GULP1: variants seen among roughly 807,000 people sequenced by gnomAD.
GULP1 encodes the protein PTB domain-containing engulfment adapter protein 1.
A neutral mutation model predicts 40.9 loss-of-function variants in GULP1; 19 were observed. That is an observed-to-expected ratio of 0.46 (90% CI 0.32 to 0.68). The LOEUF (loss-of-function observed/expected upper bound fraction) is 0.68, where lower values mean the gene tolerates loss of function less well. Ranked by LOEUF, GULP1 falls within the 30% of genes least tolerant of loss-of-function variation. The pLI, the probability that GULP1 is intolerant of heterozygous loss-of-function variation, is 0.03. For missense variants in GULP1, 312 were observed against 362.2 expected (o/e 0.86, Z 1.12); for synonymous variants, 119 against 117.6 (o/e 1.01, Z -0.08).
At chr2:188,473,103 T>C (rs1334773170) in intron 2 of GULP1, among the ~76,000 whole-genome samples, 1 of 152,182 alleles carries the variant, frequency 6.6e-6, no homozygotes, top group Admixed American at 6.6e-5. Context: ...TGCAGAGAGT[T>C]GACCTCTTCT....
chr2:188,372,929 A>G (rs2047794117), intron 1 of GULP1, among the ~76,000 whole-genome samples: 1 of 151,990 alleles, frequency 6.6e-6, no homozygotes, highest in Non-Finnish European at 1.5e-5. Context: ...GGAGAGAAAA[A>G]ATTCCCTTCT....
chr2:188,368,905 G>T (rs2047168115), intron 1 of GULP1, among the ~76,000 whole-genome samples: 1 of 122,080 alleles, frequency 8.2e-6, no homozygotes, highest in Non-Finnish European at 1.7e-5. Flanking sequence ...TGTATTAATA[G>T]ATAGAATATA....
At chr2:188,462,579 T>G (rs1458567860) in intron 2 of GULP1, among the ~76,000 whole-genome samples, 1 of 152,178 alleles carries the variant, frequency 6.6e-6, no homozygotes, top group African/African-American at 2.4e-5. Context: ...AATATTTGCT[T>G]CATATATCTG....
intron 2 of GULP1, among the ~76,000 whole-genome samples, chr2:188,419,957 T>G (rs1227480956): frequency 6.6e-6 from 1 of 152,182 alleles, no homozygotes; most frequent in Non-Finnish European, 1.5e-5. Context: ...TTGAAGAGAG[T>G]ATCCTTTCTT....
chr2:188,461,920 T>C (rs1391276735), intron 2 of GULP1, among the ~76,000 whole-genome samples: 3 of 152,144 alleles, frequency 2.0e-5, no homozygotes, highest in African/African-American at 7.2e-5. Context: ...TTCTTCATTT[T>C]AATTTTATTT....
chr2:188,554,950 A>G (rs1198284325), intron 7 of GULP1, among the ~76,000 whole-genome samples: 1 of 152,058 alleles, frequency 6.6e-6, no homozygotes. Context: ...ATTTTATCTA[A>G]GTACAGCTAT....
chr2:188,371,034 A>G (rs185074475), intron 1 of GULP1, among the ~76,000 whole-genome samples: 32 of 152,246 alleles, frequency 2.1e-4, no homozygotes, highest in African/African-American at 7.5e-4. Context: ...AAATGATGTA[A>G]TTTTTATCTA....
intron 1 of GULP1, among the ~76,000 whole-genome samples, chr2:188,322,378 C>A (rs1394865397): frequency 6.6e-6 from 1 of 151,804 alleles, no homozygotes; most frequent in African/African-American, 2.4e-5. Context: ...AATATAACCT[C>A]GTTAGTTTGT....
At chr2:188,495,496 C>G (rs1234677493) in intron 4 of GULP1, among the ~76,000 whole-genome samples, 1 of 151,994 alleles carries the variant, frequency 6.6e-6, no homozygotes, top group Non-Finnish European at 1.5e-5. Flanking sequence ...ACTCACTTAT[C>G]CAAACAAATA....
rs534906150 is a variant in GULP1, at chr2:188,393,599, C to T, written c.-45+9710C>T. On this transcript the variant is annotated intron_variant, in intron 2 of 11. Transcript: ENST00000409830. ...ATGTTAATATTGAGATGTGAAGTAC[C>T]GTTCCAGTTATTATGTTGATCATTA... 3.3e-5 allele frequency among the ~76,000 whole-genome samples: 5 copies of T among 152,042 alleles called. 1 individual carries two copies. The highest frequency in any genetic ancestry group is 4.8e-5 in the African/African-American group (2 of 41,516).
chr2:188,462,413 A>G (rs938358045), intron 2 of GULP1, among the ~76,000 whole-genome samples: 11 of 152,204 alleles, frequency 7.2e-5, no homozygotes, highest in African/African-American at 1.7e-4. Flanking sequence ...ATTTGATGAA[A>G]TGCTCTGTAA....
chr2:188,477,681 A>G lies in GULP1; in HGVS notation c.-22A>G. 6.3e-7 allele frequency: 1 copy of G among 1,586,182 alleles called. No individual in the cohort carries two copies. Among genetic ancestry groups the G allele is most frequent in the Non-Finnish European group, 8.6e-7 (1 of 1,166,168 alleles). ...CAGGATTTAAGTCGTGGAACTGAAC[A>G]TTTATTTGGCTGATCCTCATCATGA... is the stretch of plus-strand genomic sequence containing the variant. On this transcript the variant is annotated 5_prime_UTR_variant, in exon 3 of 12. Transcript: ENST00000409830.
chr2:188,528,467 A>G (rs1483770226), intron 5 of GULP1, among the ~76,000 whole-genome samples: 1 of 151,900 alleles, frequency 6.6e-6, no homozygotes, highest in African/African-American at 2.4e-5. Flanking sequence ...TACTAACTCA[A>G]TGAGAAAGTA....
chr2:188,591,879 T>C (rs1703634694), intron 11 of GULP1: 1 of 151,910 alleles, frequency 6.6e-6, no homozygotes, highest in Non-Finnish European at 1.5e-5. Context: ...ATACTTTAAT[T>C]ATTTAATCAT....
At chr2:188,457,726 G>C (rs2059381408) in intron 2 of GULP1, among the ~76,000 whole-genome samples, 1 of 152,096 alleles carries the variant, frequency 6.6e-6, no homozygotes. Context: ...AGACGTCTTT[G>C]CCCTTTTTTC....
chr2:188,386,435 T>A (rs1463125420), intron 2 of GULP1, among the ~76,000 whole-genome samples: 1 of 152,160 alleles, frequency 6.6e-6, no homozygotes, highest in Non-Finnish European at 1.5e-5. Context: ...ACCATATCAA[T>A]TATATATATA....
intron 2 of GULP1, among the ~76,000 whole-genome samples, chr2:188,451,286 T>C (rs1287541647): frequency 6.6e-6 from 1 of 152,188 alleles, no homozygotes; most frequent in Non-Finnish European, 1.5e-5. Context: ...TGAGTGAGCA[T>C]ATTTGTGTGA....
At chr2:188,413,390 T>G (rs2054169308) in intron 2 of GULP1, among the ~76,000 whole-genome samples, 1 of 152,234 alleles carries the variant, frequency 6.6e-6, no homozygotes, top group Non-Finnish European at 1.5e-5. Context: ...CTAACTGGTG[T>G]GAGATGGTAT....
At chr2:188,304,570 T>C (rs2036718004) in intron 1 of GULP1, among the ~76,000 whole-genome samples, 1 of 152,192 alleles carries the variant, frequency 6.6e-6, no homozygotes, top group Non-Finnish European at 1.5e-5. Flanking sequence ...AAGTGTGCTG[T>C]TGAATGCCAA....
Sources: gnomAD v4.1 joint callset for allele counts (sites outside exome capture counted in the v4.1 genomes callset) on GRCh38, gnomAD v4.1.1 for gene constraint, MANE v1.5 for transcripts, NCBI Gene and HGNC (gene_info 2026-07-23, HGNC 2026-07-21) for gene names.